Variants in GPM6A observed in about 807,000 individuals in gnomAD.
GPM6A encodes the protein glycoprotein M6A.
A neutral mutation model predicts 32.1 loss-of-function variants in GPM6A; 7 were observed. That is an observed-to-expected ratio of 0.22 (90% CI 0.12 to 0.41). The LOEUF is 0.41. GPM6A is among the 10% of genes least tolerant of loss of function. GPM6A has a pLI of 1.00. For synonymous variants in GPM6A, 130 were observed against 123.4 expected, an observed-to-expected ratio of 1.05 and a Z score of -0.35; for missense variants, 235 against 347.2, an observed-to-expected ratio of 0.68 and a Z score of 2.57.
chr4:175,661,289 C>T (rs1406762677), intron 3 of GPM6A, among the ~76,000 whole-genome samples: 1 of 151,872 alleles, frequency 6.6e-6, no homozygotes, highest in East Asian at 1.9e-4. Flanking sequence ...TAAAAATTAG[C>T]CAGGTGTGGT....
intron 1 of GPM6A, among the ~76,000 whole-genome samples, chr4:175,898,783 C>G (rs1037376189): frequency 6.6e-6 from 1 of 152,156 alleles, no homozygotes; most frequent in African/African-American, 2.4e-5. Flanking sequence ...AAATAGCCAT[C>G]AAAGTTATGC....
chr4:175,758,706 A>G (rs1350475430), intron 1 of GPM6A, among the ~76,000 whole-genome samples: 1 of 152,204 alleles, frequency 6.6e-6, no homozygotes, highest in Non-Finnish European at 1.5e-5. Context: ...TAACAGTAGG[A>G]AAGTCCTAGT....
chr4:175,884,718 G>C lies in GPM6A; in HGVS notation c.-22-72469C>G, dbSNP rs145015026. Among the ~76,000 whole-genome samples the C allele has an allele frequency of 2.2e-3, 335 of 151,858 alleles. 2 individuals are homozygous for C. The highest frequency in any genetic ancestry group is 4.8e-3 in the South Asian group (23 of 4,790). ...GCTAATTTTTTTTGTATTTTTAGTA[G>C]AGACAGGGTTTCACCATGTTGGTCA... On this transcript the variant is annotated intron_variant, in intron 1 of 7. Transcript: ENST00000280187.
intron 1 of GPM6A, among the ~76,000 whole-genome samples, chr4:175,879,841 A>G (rs1401424595): frequency 6.6e-6 from 1 of 152,168 alleles, no homozygotes; most frequent in Non-Finnish European, 1.5e-5. Flanking sequence ...GTTTGAGAAA[A>G]CAATAATAAT....
At chr4:175,926,653 T>C (rs1738848040) in intron 1 of GPM6A, among the ~76,000 whole-genome samples, 1 of 152,206 alleles carries the variant, frequency 6.6e-6, no homozygotes, top group South Asian at 2.1e-4. Flanking sequence ...TAAAATATTT[T>C]AGCTGAAATA....
intron 1 of GPM6A, among the ~76,000 whole-genome samples, chr4:175,915,155 GA>G (rs1199528439): frequency 2.0e-5 from 3 of 151,926 alleles, no homozygotes; most frequent in African/African-American, 7.3e-5. Context: ...ATTTAAAAAA[GA>G]AAATACTGAC....
intron 1 of GPM6A, among the ~76,000 whole-genome samples, chr4:175,936,087 T>C (rs1418577443): frequency 1.3e-5 from 2 of 151,306 alleles, no homozygotes; most frequent in African/African-American, 4.8e-5. Context: ...GGGTGGATCA[T>C]GAGGTCAGGT....
intron 1 of GPM6A, among the ~76,000 whole-genome samples, chr4:175,750,124 T>G (rs538479386): frequency 6.6e-6 from 1 of 152,126 alleles, no homozygotes; most frequent in Non-Finnish European, 1.5e-5. Context: ...AGTGTAGCAA[T>G]CTCGGCTCAC....
At chr4:175,689,624 G>A (rs1744183957) in intron 2 of GPM6A, among the ~76,000 whole-genome samples, 1 of 152,140 alleles carries the variant, frequency 6.6e-6, no homozygotes. Context: ...TGTACATGCT[G>A]TTATGCCATT....
chr4:175,864,424 T>C (rs1435732906), intron 1 of GPM6A, among the ~76,000 whole-genome samples: 1 of 143,146 alleles, frequency 7.0e-6, no homozygotes, highest in Non-Finnish European at 1.5e-5. Flanking sequence ...CACATTTGCC[T>C]CCAACTTCCA....
At chr4:175,870,386 A>G (rs1405018249) in intron 1 of GPM6A, among the ~76,000 whole-genome samples, 1 of 152,186 alleles carries the variant, frequency 6.6e-6, no homozygotes, top group African/African-American at 2.4e-5. Context: ...TACCTTGTTG[A>G]CACTGAACAT....
chr4:175,999,221 T>C (rs1044339990), intron 1 of GPM6A, among the ~76,000 whole-genome samples: 3 of 152,236 alleles, frequency 2.0e-5, no homozygotes, highest in Non-Finnish European at 4.4e-5. Flanking sequence ...ACAGTAAGTG[T>C]TGTGTTCAGG....
chr4:175,869,890 T>C (rs899787228), intron 1 of GPM6A, among the ~76,000 whole-genome samples: 1 of 152,234 alleles, frequency 6.6e-6, no homozygotes, highest in African/African-American at 2.4e-5. Flanking sequence ...ATGATGCAAG[T>C]ACAATCATTA....
chr4:175,637,755 A>G (rs1740876527), intron 6 of GPM6A, among the ~76,000 whole-genome samples: 3 of 88,954 alleles, frequency 3.4e-5, no homozygotes, highest in South Asian at 2.8e-4. Flanking sequence ...AATATAATAT[A>G]TAATATAAAA....
intron 1 of GPM6A, among the ~76,000 whole-genome samples, chr4:175,877,981 A>G (rs1315477747): frequency 6.6e-6 from 1 of 152,200 alleles, no homozygotes; most frequent in Non-Finnish European, 1.5e-5. Flanking sequence ...AATTGGCCAA[A>G]AAAGGGGGCT....
chr4:175,672,728 GT>G (rs1743154874), intron 3 of GPM6A, among the ~76,000 whole-genome samples: 1 of 152,026 alleles, frequency 6.6e-6, no homozygotes, highest in Non-Finnish European at 1.5e-5. Flanking sequence ...GTTACAATAA[GT>G]TTTGTCCCAA....
intron 1 of GPM6A, among the ~76,000 whole-genome samples, chr4:175,932,402 G>A (rs768214335): frequency 1.8e-4 from 28 of 152,170 alleles, no homozygotes; most frequent in Middle Eastern, 3.2e-3. Flanking sequence ...CGCCATCTTG[G>A]AAACAAAGAG....
chr4:175,794,125 A>G (rs1459306217), intron 1 of GPM6A, among the ~76,000 whole-genome samples: 1 of 152,230 alleles, frequency 6.6e-6, no homozygotes, highest in Non-Finnish European at 1.5e-5. Flanking sequence ...AAGCAACTTC[A>G]CCACTTACTG....
intron 1 of GPM6A, among the ~76,000 whole-genome samples, chr4:175,751,556 C>T (rs1405961516): frequency 6.6e-6 from 1 of 152,084 alleles, no homozygotes; most frequent in Non-Finnish European, 1.5e-5. Flanking sequence ...ATAATAAGAA[C>T]ACCTGTATTA....
Sources: gnomAD v4.1 joint callset for allele counts (sites outside exome capture counted in the v4.1 genomes callset) on GRCh38, gnomAD v4.1.1 for gene constraint, MANE v1.5 for transcripts, NCBI Gene and HGNC (gene_info 2026-07-23, HGNC 2026-07-21) for gene names.